The following BBOX1 variants were observed in gnomAD, a reference collection of about 807,000 sequenced individuals.
BBOX1 encodes gamma-butyrobetaine dioxygenase.
Under a neutral mutation model 41.6 loss-of-function variants are expected in BBOX1, and 35 were observed. That is an observed-to-expected ratio of 0.84 (90% confidence interval 0.64 to 1.11). The LOEUF (loss-of-function observed/expected upper bound fraction) is 1.11, where lower values mean the gene tolerates loss of function less well. Among genes scored for constraint, BBOX1 ranks in the 50% most tolerant of loss-of-function variants. The pLI is 0.00. For synonymous variants in BBOX1, 163 were observed against 154.7 expected (o/e 1.05, Z -0.40); for missense variants, 458 against 460.6 (o/e 0.99, Z 0.05).
chr11:27,106,470 G>A (rs374725263), intron 5 of BBOX1, among the ~76,000 whole-genome samples: 14 of 152,052 alleles, frequency 9.2e-5, no homozygotes, highest in Non-Finnish European at 2.1e-4. Context: ...CTTTAAAACA[G>A]CAAAGATCAA....
chr11:27,121,025 G>T (rs192581907), intron 7 of BBOX1, among the ~76,000 whole-genome samples: 53 of 152,262 alleles, frequency 3.5e-4, no homozygotes, highest in Non-Finnish European at 6.6e-4. Flanking sequence ...AAGAAAAAAA[G>T]GAAGAGCATA....
chr11:27,117,033 T>C (rs1274193562), intron 6 of BBOX1, among the ~76,000 whole-genome samples: 1 of 152,052 alleles, frequency 6.6e-6, no homozygotes, highest in African/African-American at 2.4e-5. Flanking sequence ...TACAAAAGTT[T>C]CATTTTACTA....
At chr11:27,103,659 C>T (rs1166752299) in intron 5 of BBOX1, among the ~76,000 whole-genome samples, 2 of 150,684 alleles carry the variant, frequency 1.3e-5, no homozygotes, top group Admixed American at 6.6e-5. Flanking sequence ...CATATTGGAC[C>T]ATTTTGATGA....
At chr11:27,101,141 GT>G (rs1858635891) in intron 5 of BBOX1, among the ~76,000 whole-genome samples, 1 of 152,124 alleles carries the variant, frequency 6.6e-6, no homozygotes, top group African/African-American at 2.4e-5. Context: ...TACTATGGTG[GT>G]TCATTGTTAT....
At chr11:27,059,489 T>G (rs1006217361) in intron 4 of BBOX1, among the ~76,000 whole-genome samples, 2 of 152,034 alleles carry the variant, frequency 1.3e-5, no homozygotes, top group Non-Finnish European at 2.9e-5. Context: ...AGGCCCCACT[T>G]AGAGTCCTCA....
intron 4 of BBOX1, among the ~76,000 whole-genome samples, chr11:27,070,898 T>C (rs112856009): frequency 9.2e-4 from 140 of 152,248 alleles, no homozygotes; most frequent in African/African-American, 3.2e-3. Context: ...CAAGAGATTC[T>C]ATTCTGGTGC....
At chr11:27,095,804 T>C (rs1858417857) in intron 5 of BBOX1, among the ~76,000 whole-genome samples, 1 of 152,026 alleles carries the variant, frequency 6.6e-6, no homozygotes, top group Admixed American at 6.6e-5. Context: ...ATAAATATTT[T>C]CTCTAACATT....
intron 4 of BBOX1, among the ~76,000 whole-genome samples, chr11:27,071,339 A>G (rs1857440270): frequency 6.6e-6 from 1 of 151,442 alleles, no homozygotes; most frequent in African/African-American, 2.4e-5. Flanking sequence ...CCAAGATTGT[A>G]CCACTGCACT....
intron 4 of BBOX1, among the ~76,000 whole-genome samples, chr11:27,085,555 A>ATC (rs59696795): frequency 0.1 from 14,008 of 134,578 alleles, 798 homozygotes; most frequent in South Asian, 0.25. Context: ...ACATTCCCCC[A>ATC]TCTCTCTCTC....
At chr11:27,099,299 A>G (rs1858558249) in intron 5 of BBOX1, among the ~76,000 whole-genome samples, 1 of 151,994 alleles carries the variant, frequency 6.6e-6, no homozygotes, top group Non-Finnish European at 1.5e-5. Context: ...TGGCACCAAC[A>G]AGTTGCATTA....
Position 27,126,678 on chromosome 11 carries a change from T to C in BBOX1, c.1004-615T>C, listed in dbSNP as rs889846926. Among the ~76,000 whole-genome samples the C allele has an allele frequency of 8.0e-4, 19 of 23,798 alleles. 1 individual carries two copies. In the East Asian group the frequency reaches 0.038, roughly 48 times the overall value. 15.6% of individuals were successfully genotyped at this position (23,798 alleles called of 152,430 possible). On this transcript the variant is annotated intron_variant, in intron 8 of 8. Coordinates refer to ENST00000263182, the MANE Select transcript of BBOX1 (RefSeq NM_003986.3). ...TGAGAAGAAACATTTCTTTTTTTTCTTTTTTTTTTTTTTTTGAGACGGAGT... is the reference window on the plus strand; with the variant it reads ...TGAGAAGAAACATTTCTTTTTTTTCCTTTTTTTTTTTTTTTGAGACGGAGT...
chr11:27,099,630 C>T (rs981999905), intron 5 of BBOX1, among the ~76,000 whole-genome samples: 25 of 152,022 alleles, frequency 1.6e-4, no homozygotes, highest in African/African-American at 5.6e-4. Flanking sequence ...TACTGGATTA[C>T]GTCCTTGACA....
chr11:27,121,471 C>T (rs966474532), intron 7 of BBOX1, among the ~76,000 whole-genome samples: 4 of 152,098 alleles, frequency 2.6e-5, no homozygotes, highest in Non-Finnish European at 5.9e-5. Flanking sequence ...AGGATAGTAG[C>T]GGGAAGACCA....
chr11:27,099,218 G>A (rs1858554753), intron 5 of BBOX1, among the ~76,000 whole-genome samples: 2 of 151,788 alleles, frequency 1.3e-5, no homozygotes, highest in South Asian at 2.1e-4. Flanking sequence ...CTTAGCTAGC[G>A]AGACATCCTT....
intron 5 of BBOX1, among the ~76,000 whole-genome samples, chr11:27,106,670 C>T (rs1000827469): frequency 2.4e-4 from 36 of 152,086 alleles, no homozygotes; most frequent in Non-Finnish European, 4.1e-4. Flanking sequence ...CAACATTAGA[C>T]AGATCAATGA....
At chr11:27,082,827 T>G (rs548996691) in intron 4 of BBOX1, among the ~76,000 whole-genome samples, 1 of 152,204 alleles carries the variant, frequency 6.6e-6, no homozygotes, top group Non-Finnish European at 1.5e-5. Context: ...ATTTTACGTG[T>G]AATTCTTGTT....
At chr11:27,089,164 T>C (rs1858146303) in intron 4 of BBOX1, among the ~76,000 whole-genome samples, 1 of 149,582 alleles carries the variant, frequency 6.7e-6, no homozygotes, top group Admixed American at 6.8e-5. Flanking sequence ...GCAGTACCAG[T>C]CACATACATA....
At chr11:27,068,019 T>C (rs2120970) in intron 4 of BBOX1, among the ~76,000 whole-genome samples, 152,142 of 152,182 alleles carry the variant, frequency 1, 76,051 homozygotes, top group Middle Eastern at 1. Flanking sequence ...TTTGCAATTG[T>C]GAATTGTGCT....
chr11:27,073,496 C>T (rs1363848383), intron 4 of BBOX1, among the ~76,000 whole-genome samples: 1 of 147,906 alleles, frequency 6.8e-6, no homozygotes, highest in Non-Finnish European at 1.5e-5. Flanking sequence ...TTGTGGAAGA[C>T]AGTGTGGCAA....
Sources: gnomAD v4.1 joint callset for allele counts (sites outside exome capture counted in the v4.1 genomes callset) on GRCh38, gnomAD v4.1.1 for gene constraint, MANE v1.5 for transcripts, NCBI Gene and HGNC (gene_info 2026-07-23, HGNC 2026-07-21) for gene names.